The following DGKI variants were observed in gnomAD, a reference collection of about 807,000 sequenced individuals.
The protein encoded by DGKI is DAG kinase iota.
A neutral mutation model predicts 147.5 loss-of-function variants in DGKI; 55 were observed. The ratio of observed to expected loss-of-function variants is 0.37; its 90% confidence interval spans 0.30 to 0.47. The LOEUF is 0.47. DGKI is among the 20% of genes least tolerant of loss of function. The pLI is 1.00. For missense variants in DGKI, 1,007 were observed against 1,323.8 expected, an observed-to-expected ratio of 0.76 and a Z score of 3.71; for synonymous variants, 469 against 477.1, an observed-to-expected ratio of 0.98 and a Z score of 0.22.
intron 19 of DGKI, among the ~76,000 whole-genome samples, chr7:137,564,802 T>C (rs941251655): frequency 6.6e-6 from 1 of 152,262 alleles, no homozygotes; most frequent in East Asian, 1.9e-4. Flanking sequence ...CTGTTGGATA[T>C]TTAAATCACT....
intron 28 of DGKI, among the ~76,000 whole-genome samples, chr7:137,435,032 G>A (rs968527589): frequency 3.3e-5 from 5 of 152,130 alleles, no homozygotes; most frequent in Non-Finnish European, 5.9e-5. Context: ...AAGACCAGGA[G>A]TGACCTATCT....
intron 1 of DGKI, among the ~76,000 whole-genome samples, chr7:137,729,738 TA>T (rs1794815444): frequency 6.6e-6 from 1 of 152,048 alleles, no homozygotes; most frequent in Admixed American, 6.5e-5. Flanking sequence ...TCAGTTCTTA[TA>T]AGAGTGAGGT....
intron 1 of DGKI, among the ~76,000 whole-genome samples, chr7:137,769,025 A>T (rs1796100042): frequency 1.3e-5 from 2 of 152,224 alleles, no homozygotes; most frequent in Non-Finnish European, 2.9e-5. Context: ...TCAGAAAAAA[A>T]AGTCAATTTT....
At chr7:137,718,530 C>T (rs1455504032) in intron 1 of DGKI, among the ~76,000 whole-genome samples, 3 of 152,168 alleles carry the variant, frequency 2.0e-5, no homozygotes, top group Non-Finnish European at 2.9e-5. Context: ...GCGCTTTCTC[C>T]TTGGATACGC....
intron 32 of DGKI, among the ~76,000 whole-genome samples, chr7:137,393,209 AAAAC>A (rs1811428985): frequency 7.9e-6 from 1 of 125,854 alleles, no homozygotes; most frequent in African/African-American, 2.6e-5. Flanking sequence ...TATAATTATA[AAAAC>A]AAGCTATTTC....
At chr7:137,603,111 C>T (rs1820051557) in intron 10 of DGKI, among the ~76,000 whole-genome samples, 2 of 152,050 alleles carry the variant, frequency 1.3e-5, no homozygotes, top group Non-Finnish European at 2.9e-5. Context: ...ATTCATTCAC[C>T]TACTATGTGA....
chr7:137,476,320 C>CT (rs1554411403), intron 23 of DGKI, among the ~76,000 whole-genome samples: 6 of 151,442 alleles, frequency 4.0e-5, no homozygotes, highest in South Asian at 2.1e-4. Context: ...GGTAATTTTC[C>CT]TTTTTTTTTC....
chr7:137,520,887 C>A (rs1816937457), intron 21 of DGKI, among the ~76,000 whole-genome samples: 1 of 152,082 alleles, frequency 6.6e-6, no homozygotes. Flanking sequence ...GGCTTTCCTA[C>A]TATTAATCCT....
At chr7:137,591,186 T>C (rs1049303040) in intron 12 of DGKI, among the ~76,000 whole-genome samples, 2 of 152,240 alleles carry the variant, frequency 1.3e-5, no homozygotes, top group Non-Finnish European at 2.9e-5. Context: ...AAGTACACAG[T>C]GTGTGAATGT....
chr7:137,573,628 C>T (rs1332040808), intron 17 of DGKI, among the ~76,000 whole-genome samples: 3 of 152,204 alleles, frequency 2.0e-5, no homozygotes, highest in African/African-American at 7.2e-5. Flanking sequence ...TGGTCTTGAA[C>T]TCCTGACCTC....
chr7:137,695,495 G>T (rs1355000994), intron 1 of DGKI, among the ~76,000 whole-genome samples: 3 of 152,062 alleles, frequency 2.0e-5, no homozygotes, highest in Non-Finnish European at 4.4e-5. Context: ...CAATAATAAG[G>T]TATGATCCCT....
chr7:137,497,488 C>T (rs1007702688), intron 21 of DGKI, among the ~76,000 whole-genome samples: 2 of 151,972 alleles, frequency 1.3e-5, no homozygotes, highest in African/African-American at 2.4e-5. Context: ...GACACATGCA[C>T]GTGTATGTTC....
Position 137,416,791 on chromosome 7 carries a change from T to G in DGKI, c.2762-4584A>C, listed in dbSNP as rs557537867. Reference sequence around the variant, plus strand: ...AGCATTGTTATTTATGTTTGTTGGTTTCCAACAGCTTCCCAGTTTGAAGTC... The same window carrying G: ...AGCATTGTTATTTATGTTTGTTGGTGTCCAACAGCTTCCCAGTTTGAAGTC... On this transcript the variant is annotated intron_variant, in intron 28 of 32. Transcript: ENST00000614521. 4.6e-5 allele frequency among the ~76,000 whole-genome samples: 7 copies of G among 152,322 alleles called. No homozygotes were observed. The South Asian group carries it at 1.5e-3, about 32-fold the overall frequency.
At chr7:137,509,544 T>C (rs943728362) in intron 21 of DGKI, among the ~76,000 whole-genome samples, 3 of 152,118 alleles carry the variant, frequency 2.0e-5, no homozygotes, top group Admixed American at 1.3e-4. Flanking sequence ...CCTAACACCA[T>C]GGACTTGTGG....
intron 1 of DGKI, among the ~76,000 whole-genome samples, chr7:137,757,256 T>C (rs1002776819): frequency 5.3e-5 from 8 of 152,152 alleles, no homozygotes; most frequent in Non-Finnish European, 8.8e-5. Context: ...ACCATCCCCA[T>C]GGAGACAGAA....
At chr7:137,393,363 T>C (rs1811434861) in intron 32 of DGKI, among the ~76,000 whole-genome samples, 1 of 152,196 alleles carries the variant, frequency 6.6e-6, no homozygotes, top group African/African-American at 2.4e-5. Flanking sequence ...TCCTGATTCC[T>C]GTTTGGTTTG....
intron 28 of DGKI, among the ~76,000 whole-genome samples, chr7:137,434,895 GCTAA>G (rs994041041): frequency 9.2e-5 from 14 of 152,158 alleles, no homozygotes; most frequent in Admixed American, 3.9e-4. Flanking sequence ...GTGAAAGAAG[GCTAA>G]CTAAGAAAAA....
chr7:137,799,492 A>G (rs1335567882), intron 1 of DGKI, among the ~76,000 whole-genome samples: 1 of 152,240 alleles, frequency 6.6e-6, no homozygotes, highest in Non-Finnish European at 1.5e-5. Flanking sequence ...GATGAATTTT[A>G]TGGTATATAA....
In DGKI at chr7:137,463,532, C is replaced by T; in HGVS notation, c.2692G>A (p.Glu898Lys). ...SGLGMIAPYYEDSDLKDLSHS... is the reference protein window; with the variant it reads ...SGLGMIAPYYKDSDLKDLSHS... ...CTGAGATCTTTCAGATCTGAGTCCT[C>T]ATAATAGGGAGCTATCATCCCCAGC... The change falls in exon 27 of 33, where the codon GAG (glutamate) becomes AAG (lysine). Residue 898 changes from glutamate (E) to lysine (K), a missense_variant. This residue lies in a region of DGKI where 385 missense variants were observed against 445.2 expected (regional missense o/e 0.86). Transcript: ENST00000614521. 1.2e-6 allele frequency: 2 copies of T among 1,614,168 alleles called. No individual in the cohort carries two copies. Among genetic ancestry groups the T allele is most frequent in the Non-Finnish European group, 1.7e-6 (2 of 1,180,022 alleles).
Sources: allele counts gnomAD v4.1 joint callset (sites outside exome capture counted in the v4.1 genomes callset), GRCh38; gene constraint gnomAD v4.1.1; regional missense constraint gnomAD v4.1.1; transcripts MANE v1.5; gene names NCBI Gene and HGNC (gene_info 2026-07-23, HGNC 2026-07-21).